Variants in GAPVD1 observed in about 807,000 individuals in gnomAD.
The protein encoded by GAPVD1 is GTPase-activating protein and VPS9 domain-containing protein 1.
Under a neutral mutation model 155.5 loss-of-function variants are expected in GAPVD1, and 35 were observed. The ratio of observed to expected loss-of-function variants is 0.23; its 90% CI spans 0.17 to 0.30. GAPVD1 has a LOEUF of 0.30. Ranked by LOEUF, GAPVD1 falls within the 10% of genes least tolerant of loss-of-function variation. The pLI is 1.00. For synonymous variants in GAPVD1, 636 were observed against 619.7 expected, an observed-to-expected ratio of 1.03 and a Z score of -0.39; for missense variants, 1,429 against 1,775.7, an observed-to-expected ratio of 0.80 and a Z score of 3.51.
chr9:125,359,584 T>C, intron 26 of GAPVD1, 92 bp downstream of exon 26: 2 of 712,108 alleles, frequency 2.8e-6, no homozygotes, highest in Admixed American at 2.2e-5. Flanking sequence ...GGAACTGAAA[T>C]GTGATAAAAT....
chr9:125,293,829 A>ATATATAT, intron 2 of GAPVD1, among the ~76,000 whole-genome samples: 1 of 120,892 alleles, frequency 8.3e-6, no homozygotes. Context: ...AAATATAAAA[A>ATATATAT]AATATATATA....
chr9:125,278,014 A>G (rs956341941), intron 2 of GAPVD1, among the ~76,000 whole-genome samples: 1 of 152,104 alleles, frequency 6.6e-6, no homozygotes, highest in African/African-American at 2.4e-5. Context: ...TTAGTATATT[A>G]TTAATGCCTG....
rs1564311241 is a variant in GAPVD1, at chr9:125,293,864, A to ATATTT, written c.-149-1591_-149-1590insTTTAT. On this transcript the variant is annotated intron_variant, in intron 2 of 27. Coordinates refer to ENST00000297933, the MANE Select transcript of GAPVD1 (RefSeq NM_001282680.3). ...ATAAAAATATATTTTATATATATAT[A>ATATTT]TATATATATATATATATATATATAT... Among the ~76,000 whole-genome samples, 6 of 14,736 alleles carry ATATTT rather than the reference A, an allele frequency of 4.1e-4. 1 individual carries two copies. In the African/African-American group the frequency reaches 4.1e-3, roughly 10 times the overall value. The allele number at this position is 14,736 out of a possible 152,430, so 9.7% of individuals were successfully genotyped here.
At position 125,337,434 on chromosome 9, in the gene GAPVD1, C is replaced by A; in HGVS notation, c.2720C>A (p.Ser907Tyr). 6.2e-7 allele frequency: 1 copy of A among 1,614,186 alleles called. No individual in the cohort carries two copies. Among genetic ancestry groups the A allele is most frequent in the Non-Finnish European group, 8.5e-7 (1 of 1,180,004 alleles). The change falls in exon 17 of 28, where the codon TCT becomes TAT. Residue 907 changes from serine to tyrosine, a missense_variant. Physicochemically the swap from Ser to Tyr is moderately radical, Grantham distance 144. Around this residue, in one of 4 missense-constraint regions of GAPVD1, gnomAD observed 699 missense variants for 826.0 expected, o/e 0.85. Coordinates refer to ENST00000297933, the MANE Select transcript of GAPVD1 (RefSeq NM_001282680.3). ...LVRSRSSDIV[S>Y]SVRRPMSDPS... Reference sequence around the variant, plus strand: ...CGAAGCAGGAGCTCTGATATAGTATCTTCTGTCCGGAGACCCATGAGTGAC... The same window carrying A: ...CGAAGCAGGAGCTCTGATATAGTATATTCTGTCCGGAGACCCATGAGTGAC...
At chr9:125,329,733 C>G (rs1293677562) in intron 12 of GAPVD1, among the ~76,000 whole-genome samples, 1 of 151,680 alleles carries the variant, frequency 6.6e-6, no homozygotes, top group Non-Finnish European at 1.5e-5. Flanking sequence ...AGGGCAATGG[C>G]ATGACCTCGG....
intron 27 of GAPVD1, 31 bp downstream of exon 27, chr9:125,360,756 T>A: frequency 6.5e-7 from 1 of 1,543,322 alleles, no homozygotes; most frequent in Non-Finnish European, 9.0e-7. Context: ...AGTTAAGGAG[T>A]TATGTGGCAT....
At position 125,330,153 on chromosome 9, in the gene GAPVD1, C is replaced by T; in HGVS notation, c.2108C>T (p.Thr703Ile). Residue 703 changes from threonine (T) to isoleucine (I), a missense_variant, in exon 13 of 28, where the codon ACT becomes ATT. By Grantham distance (89) the Thr-to-Ile change is moderately conservative. Transcript: ENST00000297933. The part of the protein sequence containing the change: ...GSGSVLLDPC[T>I]GSTISETTSE... The stretch of plus-strand genomic sequence containing the variant: ...GGGTCAGTGCTTCTTGACCCCTGCA[C>T]TGGTTCTACCATATCAGAGACAACA... The T allele has an allele frequency of 6.2e-7, 1 of 1,612,466 alleles. No individual in the cohort carries two copies. Among genetic ancestry groups the T allele is most frequent in the Non-Finnish European group, 8.5e-7 (1 of 1,178,576 alleles).
intron 4 of GAPVD1, among the ~76,000 whole-genome samples, chr9:125,301,412 A>C (rs1840832262): frequency 6.6e-6 from 1 of 151,842 alleles, no homozygotes; most frequent in African/African-American, 2.4e-5. Flanking sequence ...AGCTCTGGAC[A>C]GTTTTTAGGA....
intron 21 of GAPVD1, among the ~76,000 whole-genome samples, 198 bp downstream of exon 21, chr9:125,349,717 C>T (rs574271785): frequency 1.5e-4 from 23 of 148,680 alleles, no homozygotes; most frequent in African/African-American, 3.9e-4. Flanking sequence ...TTAAAAAACT[C>T]GCTGGGCGTG....
At chr9:125,301,619 T>C (rs1198675097) in intron 4 of GAPVD1, among the ~76,000 whole-genome samples, 2 of 152,016 alleles carry the variant, frequency 1.3e-5, no homozygotes, top group East Asian at 1.9e-4. Context: ...TGGCTAATTT[T>C]TGTATTTTTA....
At chr9:125,276,436 A>G (rs971061225) in intron 2 of GAPVD1, among the ~76,000 whole-genome samples, 1 of 152,202 alleles carries the variant, frequency 6.6e-6, no homozygotes, top group East Asian at 1.9e-4. Flanking sequence ...TTACACCTGT[A>G]ATCCCAGCAC....
At chr9:125,309,749 T>C (rs1842387132) in intron 8 of GAPVD1, among the ~76,000 whole-genome samples, 1 of 152,224 alleles carries the variant, frequency 6.6e-6, no homozygotes, top group African/African-American at 2.4e-5. Context: ...GTTTTTTCAT[T>C]TCCCGTTATC....
At chr9:125,294,651 G>GT (rs1564314778) in intron 2 of GAPVD1, among the ~76,000 whole-genome samples, 46 of 123,848 alleles carry the variant, frequency 3.7e-4, no homozygotes, top group African/African-American at 1.3e-3. Context: ...CAGCTAAAAT[G>GT]GTTTTTTTTT....
intron 2 of GAPVD1, among the ~76,000 whole-genome samples, chr9:125,280,396 C>CAAAAAA (rs750354567): frequency 1.7e-3 from 96 of 57,208 alleles, no homozygotes; most frequent in African/African-American, 2.2e-3. Flanking sequence ...AAGTCCATCT[C>CAAAAAA]AAAAAAAAAA....
chr9:125,314,954 T>A (rs1181283349), intron 9 of GAPVD1, among the ~76,000 whole-genome samples: 5 of 151,816 alleles, frequency 3.3e-5, no homozygotes, highest in Non-Finnish European at 7.4e-5. Context: ...CGCCCGGCTA[T>A]TTTTTTGTAT....
rs2131761195 is a variant in GAPVD1 at position 125,330,121 on chromosome 9, A to G, written c.2076A>G (p.Pro692=). Residue 692 remains proline (P), a synonymous_variant, in exon 13 of 28, where the codon CCA becomes CCG. Coordinates refer to ENST00000297933, the MANE Select transcript of GAPVD1 (RefSeq NM_001282680.3). The part of the protein sequence containing the change: ...ENMLGSLLCL[P]GSGSVLLDPC... ...TGTTAGGCAGTTTGCTGTGCCTCCC[A>G]GGTTCAGGGTCAGTGCTTCTTGACC... The G allele has an allele frequency of 1.2e-6, 2 of 1,612,406 alleles. No individual in the cohort carries two copies. The highest frequency in any genetic ancestry group is 2.2e-5 in the East Asian group (1 of 44,832).
chr9:125,323,152 G>C (rs1201462103), intron 10 of GAPVD1, among the ~76,000 whole-genome samples: 5 of 151,714 alleles, frequency 3.3e-5, no homozygotes, highest in Non-Finnish European at 7.4e-5. Context: ...TGTTGCCCAG[G>C]CTGGAGTGCA....
intron 2 of GAPVD1, among the ~76,000 whole-genome samples, chr9:125,279,825 A>C (rs1345153912): frequency 1.3e-5 from 2 of 148,964 alleles, no homozygotes; most frequent in African/African-American, 4.9e-5. Flanking sequence ...CAATGGCGAG[A>C]TCTTGGCTCC....
intron 19 of GAPVD1, 43 bp downstream of exon 19, chr9:125,342,342 C>A: frequency 1.9e-6 from 2 of 1,062,596 alleles, no homozygotes; most frequent in Non-Finnish European, 2.9e-6. Context: ...ATTCCCAGAG[C>A]ACATATTTCA....
Sources: allele counts gnomAD v4.1 joint callset (sites outside exome capture counted in the v4.1 genomes callset), GRCh38; gene constraint gnomAD v4.1.1; regional missense constraint gnomAD v4.1.1; transcripts MANE v1.5; gene names NCBI Gene and HGNC (gene_info 2026-07-23, HGNC 2026-07-21).